The following PTPN12 variants were observed in gnomAD, a reference collection of about 807,000 sequenced individuals.
PTPN12 encodes the protein protein tyrosine phosphatase non-receptor type 12, also known as tyrosine-protein phosphatase non-receptor type 12.
In PTPN12, 29 loss-of-function variants were observed where a neutral mutation model predicts 97.6. The ratio of observed to expected loss-of-function variants is 0.30; its 90% CI spans 0.22 to 0.41. PTPN12 has a LOEUF of 0.41. Among genes scored for constraint, PTPN12 ranks in the 10% least tolerant of loss-of-function variants. The probability of loss-of-function intolerance (pLI) is 1.00; values close to 1 mark genes in which losing one functional copy is unlikely to be tolerated. For missense variants in PTPN12, 819 were observed against 926.0 expected, an observed-to-expected ratio of 0.88 and a Z score of 1.50; for synonymous variants, 327 against 300.4, an observed-to-expected ratio of 1.09 and a Z score of -0.91.
chr7:77,561,716 A>C (rs1008409621), intron 1 of PTPN12, among the ~76,000 whole-genome samples: 1 of 152,062 alleles, frequency 6.6e-6, no homozygotes, highest in Non-Finnish European at 1.5e-5. Flanking sequence ...GTGGCTTAAT[A>C]TGTTAATACT....
At chr7:77,596,974 TGTG>T (rs1788041524) in intron 6 of PTPN12, among the ~76,000 whole-genome samples, 1 of 126,258 alleles carries the variant, frequency 7.9e-6, no homozygotes, top group Non-Finnish European at 1.6e-5. Context: ...TATCCACCAT[TGTG>T]GTATCATACA....
chr7:77,550,496 G>A (rs1270276448), intron 1 of PTPN12, among the ~76,000 whole-genome samples: 1 of 152,156 alleles, frequency 6.6e-6, no homozygotes, highest in Non-Finnish European at 1.5e-5. Context: ...CCTAAGAACT[G>A]AGGGTCCTAG....
At position 77,572,678 on chromosome 7, in the gene PTPN12, A is replaced by G. The variant is rs10227322; in HGVS notation, c.208+1492A>G. On this transcript the variant is annotated intron_variant, in intron 2 of 17. Coordinates refer to ENST00000248594, the MANE Select transcript of PTPN12 (RefSeq NM_002835.4). ...ATCCTGACTCCACCAGTTGCTAGCT[A>G]TATGACCTTGGACTGATCCTCTCTG... 8.2e-3 allele frequency among the ~76,000 whole-genome samples: 1,251 copies of G among 152,290 alleles called. 19 individuals carry two copies. Among genetic ancestry groups the G allele is most frequent in the African/African-American group, 0.028 (1,179 of 41,550 alleles).
chr7:77,615,372 T>C (rs933111120), intron 11 of PTPN12, among the ~76,000 whole-genome samples: 3 of 152,202 alleles, frequency 2.0e-5, no homozygotes, highest in African/African-American at 7.2e-5. Context: ...TTTCTTAATG[T>C]TTTTGTAGCA....
rs1373598196 is a variant in PTPN12 at position 77,607,082 on chromosome 7, A to AC, written c.696-152dup. The AC allele has an allele frequency of 7.0e-6, 4 of 568,524 alleles. No homozygotes were observed. The African/African-American group carries it at 7.6e-5, about 11-fold the overall frequency. 35.2% of individuals were successfully genotyped at this position (568,524 alleles called of 1,614,324 possible). A position where few individuals can be genotyped will look rare whatever the true frequency, so the allele number is the denominator to read the frequency against. On this transcript the variant is annotated intron_variant, in intron 8 of 17. Coordinates refer to ENST00000248594, the MANE Select transcript of PTPN12 (RefSeq NM_002835.4). ...CTGTGTAACAGATGTTGCCATGAAC[A>AC]CACTGTAAGTTGTATTTTGTTTATT...
Position 77,620,863 on chromosome 7 carries a change from G to A in PTPN12, c.1025+2298G>A, listed in dbSNP as rs554770865. On this transcript the variant is annotated intron_variant, in intron 12 of 17. Transcript: ENST00000248594. ...CTTGGGAGACTGAGGCAGGAGAATC[G>A]CTTGAACCCAGGAAGCGAAGGTGCC... is the stretch of plus-strand genomic sequence containing the variant. 5.3e-5 allele frequency among the ~76,000 whole-genome samples: 8 copies of A among 152,232 alleles called. No homozygotes were observed. In the South Asian group the frequency reaches 1.2e-3, roughly 24 times the overall value.
At chr7:77,592,089 A>C in intron 5 of PTPN12, 96 bp from the exon 6 acceptor site, 1 of 1,026,460 alleles carries the variant, frequency 9.7e-7, no homozygotes, top group Non-Finnish European at 1.5e-6. Context: ...GTTTTGGGGA[A>C]GTAGAAGTAA....
chr7:77,575,368 C>G (rs528943576), intron 2 of PTPN12, among the ~76,000 whole-genome samples: 18 of 152,034 alleles, frequency 1.2e-4, no homozygotes, highest in Non-Finnish European at 2.5e-4. Flanking sequence ...CTCTTTCTCT[C>G]TCTCGTGTGT....
chr7:77,579,903 T>G (rs1443523983), intron 2 of PTPN12, among the ~76,000 whole-genome samples: 2 of 152,238 alleles, frequency 1.3e-5, no homozygotes, highest in Non-Finnish European at 2.9e-5. Context: ...TTTTTACTTT[T>G]TGGTTTGTCA....
chr7:77,573,189 A>G (rs550754961), intron 2 of PTPN12, among the ~76,000 whole-genome samples: 9 of 152,152 alleles, frequency 5.9e-5, no homozygotes, highest in Non-Finnish European at 8.8e-5. Flanking sequence ...ATAGTAACCA[A>G]TCATTAAGCT....
rs1788113936 is a variant in PTPN12, at chr7:77,599,139, T to TAACACCTTCTTTGTTAA, written c.552+1239_552+1240insACACCTTCTTTGTTAAA. Reference sequence around the variant, plus strand: ...CTAAATTTGTTAAATTTGGAATAGTTATACCTTCTTTGCAGCAAATATTTT... The same window carrying TAACACCTTCTTTGTTAA: ...CTAAATTTGTTAAATTTGGAATAGTTAACACCTTCTTTGTTAAATACCTTCTTTGCAGCAAATATTTT... On this transcript the variant is annotated intron_variant, in intron 7 of 17. Transcript: ENST00000248594. Among the ~76,000 whole-genome samples, 5 of 152,062 alleles carry TAACACCTTCTTTGTTAA rather than the reference T, an allele frequency of 3.3e-5. No homozygotes were observed. In the South Asian group the frequency reaches 1.0e-3, roughly 31 times the overall value.
intron 12 of PTPN12, among the ~76,000 whole-genome samples, chr7:77,623,670 C>T (rs1436443535): frequency 6.6e-6 from 1 of 152,160 alleles, no homozygotes; most frequent in Non-Finnish European, 1.5e-5. Context: ...GCTGAGATTG[C>T]ACCACTGTAC....
chr7:77,549,258 C>T (rs1441879745), intron 1 of PTPN12, among the ~76,000 whole-genome samples: 1 of 151,736 alleles, frequency 6.6e-6, no homozygotes, highest in Admixed American at 6.6e-5. Context: ...ATCCTTGAAG[C>T]AAAATTGAAA....
chr7:77,634,742 A>AT (rs1184779125), intron 14 of PTPN12, among the ~76,000 whole-genome samples: 10 of 142,378 alleles, frequency 7.0e-5, no homozygotes, highest in African/African-American at 2.1e-4. Context: ...CGCCCGGCTA[A>AT]TTTTTTTGTA....
chr7:77,561,502 C>A (rs931170914), intron 1 of PTPN12, among the ~76,000 whole-genome samples: 11 of 152,146 alleles, frequency 7.2e-5, no homozygotes, highest in Middle Eastern at 3.2e-3. Flanking sequence ...CTGACCACAG[C>A]ACTGTGGCAG....
chr7:77,635,900 TG>T (rs1789573138), intron 15 of PTPN12, 51 bp downstream of exon 15: 1 of 1,241,196 alleles, frequency 8.1e-7, no homozygotes, highest in Admixed American at 2.4e-5. Context: ...TCTACTCTTT[TG>T]TTAACTAATC....
At position 77,618,452 on chromosome 7, in the gene PTPN12, C is replaced by T. The variant is rs1234889003; in HGVS notation, c.940-28C>T. 4.2e-6 allele frequency: 6 copies of T among 1,414,026 alleles called. No homozygotes were observed. In the African/African-American group the frequency reaches 5.8e-5, roughly 14 times the overall value. The allele number at this position is 1,414,026 out of a possible 1,614,324, so 87.6% of individuals were successfully genotyped here. A position where few individuals can be genotyped will look rare whatever the true frequency, so the allele number is the denominator to read the frequency against. On this transcript the variant is annotated intron_variant, in intron 11 of 17. Coordinates refer to ENST00000248594, the MANE Select transcript of PTPN12 (RefSeq NM_002835.4). The stretch of plus-strand genomic sequence containing the variant: ...GAGGAAAAATTATTTTTCTCTTAAC[C>T]TTAGTGAAGTATTTTTTCCCTTGGC...
chr7:77,625,174 C>G (rs1227545652), intron 12 of PTPN12, among the ~76,000 whole-genome samples: 1 of 151,804 alleles, frequency 6.6e-6, no homozygotes, highest in African/African-American at 2.4e-5. Flanking sequence ...TATACAAGCC[C>G]TCAAGAAGTT....
At chr7:77,575,997 G>A (rs1375192785) in intron 2 of PTPN12, among the ~76,000 whole-genome samples, 5 of 152,026 alleles carry the variant, frequency 3.3e-5, no homozygotes, top group Non-Finnish European at 7.4e-5. Context: ...GATTATAGGC[G>A]CACATCACCA....
Sources: gnomAD v4.1 joint callset for allele counts (sites outside exome capture counted in the v4.1 genomes callset) on GRCh38, gnomAD v4.1.1 for gene constraint, MANE v1.5 for transcripts, NCBI Gene and HGNC (gene_info 2026-07-23, HGNC 2026-07-21) for gene names.